The following HIVEP1 variants were observed in gnomAD, a reference collection of about 807,000 sequenced individuals.
The protein encoded by HIVEP1 is zinc finger protein 40.
A neutral mutation model predicts 180.0 loss-of-function variants in HIVEP1; 36 were observed. The ratio of observed to expected loss-of-function variants is 0.20; its 90% CI spans 0.15 to 0.26. The LOEUF is 0.26. Among genes scored for constraint, HIVEP1 ranks in the 10% least tolerant of loss-of-function variants. HIVEP1 has a pLI of 1.00. For missense variants in HIVEP1, 3,143 were observed against 3,268.7 expected, an observed-to-expected ratio of 0.96 and a Z score of 0.94; for synonymous variants, 1,239 against 1,239.0, an observed-to-expected ratio of 1.00 and a Z score of 0.00.
At chr6:12,143,879 A>G (rs1217034754) in intron 7 of HIVEP1, among the ~76,000 whole-genome samples, 1 of 152,214 alleles carries the variant, frequency 6.6e-6, no homozygotes, top group African/African-American at 2.4e-5. Context: ...GCTCAACAAA[A>G]TAAAAGAGGA....
At chr6:12,131,604 A>C in intron 6 of HIVEP1, among the ~76,000 whole-genome samples, 1 of 151,586 alleles carries the variant, frequency 6.6e-6, no homozygotes, top group East Asian at 1.9e-4. Context: ...GCCCTGTACA[A>C]GTTTCTTGAT....
intron 2 of HIVEP1, among the ~76,000 whole-genome samples, chr6:12,079,583 C>G (rs1461428827): frequency 6.6e-6 from 1 of 152,150 alleles, no homozygotes; most frequent in Non-Finnish European, 1.5e-5. Flanking sequence ...TCTCCCTTAA[C>G]TACTTGCATT....
intron 3 of HIVEP1, among the ~76,000 whole-genome samples, chr6:12,114,542 C>G (rs1217743629): frequency 6.6e-6 from 1 of 152,088 alleles, no homozygotes; most frequent in African/African-American, 2.4e-5. Flanking sequence ...TCATTTATGT[C>G]CTTTTACAAA....
At chr6:12,207,373 A>G in the HIVEP1 span, among the ~76,000 whole-genome samples, 39 of 152,354 alleles carry the variant, frequency 2.6e-4, no homozygotes, top group Admixed American at 2.2e-3. Flanking sequence ...ATGAATGTTC[A>G]ATAAATATAA....
intron 2 of HIVEP1, among the ~76,000 whole-genome samples, chr6:12,078,746 A>G (rs1293587787): frequency 6.6e-6 from 1 of 151,896 alleles, no homozygotes; most frequent in East Asian, 1.9e-4. Context: ...AACATTTGTT[A>G]TAGGGGAAAA....
At chr6:12,197,251 C>A in the HIVEP1 span, among the ~76,000 whole-genome samples, 1 of 152,020 alleles carries the variant, frequency 6.6e-6, no homozygotes, top group Non-Finnish European at 1.5e-5. Context: ...GAGCTGAGTT[C>A]ATTTTGACAT....
chr6:12,079,068 C>G (rs1360496479), intron 2 of HIVEP1, among the ~76,000 whole-genome samples: 1 of 152,134 alleles, frequency 6.6e-6, no homozygotes, highest in African/African-American at 2.4e-5. Context: ...GTTACGATGA[C>G]TACCTCCTTC....
At chr6:12,062,880 A>G (rs1315465096) in intron 2 of HIVEP1, among the ~76,000 whole-genome samples, 1 of 152,226 alleles carries the variant, frequency 6.6e-6, no homozygotes, top group Non-Finnish European at 1.5e-5. Context: ...CTTTCTGTTC[A>G]GGTGTCCTGG....
chr6:12,013,227 T>A (rs1214258994), intron 1 of HIVEP1, among the ~76,000 whole-genome samples: 1 of 152,220 alleles, frequency 6.6e-6, no homozygotes, highest in Non-Finnish European at 1.5e-5. Flanking sequence ...CCTCCTGGCA[T>A]GCGAAGCGCT....
Position 12,122,715 on chromosome 6 carries a change from T to C in HIVEP1, c.2920T>C (p.Phe974Leu), listed in dbSNP as rs1314344994. The C allele has an allele frequency of 1.2e-6, 2 of 1,613,754 alleles. No homozygotes were observed. ...AAACAGGTATAGGAAACTGGAAAAT[T>C]TTGAAAATCATAAGAAATTTTACTG... ...CRNRYRKLEN[F>L]ENHKKFYCSE... is the part of the protein sequence containing the mutation. The change falls in exon 4 of 9, where the codon TTT becomes CTT. Residue 974 changes from phenylalanine (F) to leucine (L), a missense_variant. Coordinates refer to ENST00000379388, the MANE Select transcript of HIVEP1 (RefSeq NM_002114.4).
chr6:12,168,328 TATATA>T (rs1760809380), downstream of HIVEP1, among the ~76,000 whole-genome samples: 1 of 28,656 alleles, frequency 3.5e-5, no homozygotes, highest in African/African-American at 1.3e-4. Flanking sequence ...ACATATATAT[TATATA>T]ATTATATATA....
Position 12,125,784 on chromosome 6 carries a change from A to G in HIVEP1, c.5989A>G (p.Lys1997Glu), listed in dbSNP as rs771682101. The G allele has an allele frequency of 6.2e-6, 10 of 1,614,032 alleles. No homozygotes were observed. The Admixed American group carries it at 1.7e-4, about 27-fold the overall frequency. ...CCTTAATTCAAAACAGAACACTGGA[A>G]AATCACTATACTGTCAAGCAATAAC... ...ALLNSKQNTGKSLYCQAITTH... is the reference protein window; with the variant it reads ...ALLNSKQNTGESLYCQAITTH... Residue 1997 changes from lysine (K) to glutamate (E), a missense_variant, in exon 4 of 9, where the codon AAA (lysine) becomes GAA (glutamate). Coordinates refer to ENST00000379388, the MANE Select transcript of HIVEP1 (RefSeq NM_002114.4).
chr6:12,122,952 A>C lies in HIVEP1; in HGVS notation c.3157A>C (p.Lys1053Gln). The change falls in exon 4 of 9, where the codon AAA becomes CAA. Residue 1053 changes from lysine to glutamine, a missense_variant. This residue lies in a region of HIVEP1 where 1,357 missense variants were observed against 1,260.5 expected (regional missense o/e 1.08). Coordinates refer to ENST00000379388, the MANE Select transcript of HIVEP1 (RefSeq NM_002114.4). ...GCAAAATGAAAGTGGAACATCTCCAAAAAGTTCTGAAGGCCTTCAGTTTCA... is the reference window on the plus strand; with the variant it reads ...GCAAAATGAAAGTGGAACATCTCCACAAAGTTCTGAAGGCCTTCAGTTTCA... ...LQQNESGTSP[K>Q]SSEGLQFQNA... 6.2e-7 allele frequency: 1 copy of C among 1,613,936 alleles called. No homozygotes were observed.
the HIVEP1 span, among the ~76,000 whole-genome samples, chr6:12,210,144 A>G: frequency 6.6e-6 from 1 of 152,230 alleles, no homozygotes; most frequent in Admixed American, 6.5e-5. Context: ...CATGTGAACT[A>G]GTATTTACTA....
intron 2 of HIVEP1, among the ~76,000 whole-genome samples, chr6:12,062,665 C>T (rs1403132478): frequency 6.6e-6 from 1 of 152,152 alleles, no homozygotes. Flanking sequence ...TTTTCTGAAT[C>T]TCATGCAACT....
At chr6:12,207,461 G>GA in the HIVEP1 span, among the ~76,000 whole-genome samples, 3 of 151,806 alleles carry the variant, frequency 2.0e-5, no homozygotes, top group African/African-American at 7.3e-5. Context: ...GTTAATAATA[G>GA]AAAAAAAGGA....
At chr6:12,186,051 A>T in the HIVEP1 span, among the ~76,000 whole-genome samples, 2 of 152,164 alleles carry the variant, frequency 1.3e-5, no homozygotes, top group African/African-American at 4.8e-5. Flanking sequence ...ATGTTCATCA[A>T]CTAGTGATCA....
chr6:12,189,292 A>G, the HIVEP1 span, among the ~76,000 whole-genome samples: 2 of 152,064 alleles, frequency 1.3e-5, no homozygotes, highest in African/African-American at 4.8e-5. Flanking sequence ...ACACTTTCTA[A>G]ACACTACACA....
chr6:12,182,983 AG>A, the HIVEP1 span, among the ~76,000 whole-genome samples: 53 of 152,284 alleles, frequency 3.5e-4, no homozygotes, highest in African/African-American at 1.2e-3. Flanking sequence ...ATTTTTCTAA[AG>A]TGAAGAAGTA....
Sources: gnomAD v4.1 joint callset for allele counts (sites outside exome capture counted in the v4.1 genomes callset) on GRCh38, gnomAD v4.1.1 for gene constraint, gnomAD v4.1.1 regional missense constraint, MANE v1.5 for transcripts, NCBI Gene and HGNC (gene_info 2026-07-23, HGNC 2026-07-21) for gene names.